KCNJ6: variants seen among roughly 807,000 people sequenced by gnomAD.
KCNJ6 encodes the protein potassium inwardly rectifying channel subfamily J member 6.
Under a neutral mutation model 34.2 loss-of-function variants are expected in KCNJ6, and 9 were observed. The observed-to-expected ratio is 0.26, with a 90% CI of 0.16 to 0.46. The LOEUF is 0.46. KCNJ6 is among the 20% of genes least tolerant of loss of function. The probability of loss-of-function intolerance (pLI) is 1.00; values close to 1 mark genes in which losing one functional copy is unlikely to be tolerated. For missense variants in KCNJ6, 236 were observed against 531.3 expected (o/e 0.44, Z 5.46); for synonymous variants, 196 against 207.1 (o/e 0.95, Z 0.46).
chr21:37,836,255 G>T (rs1466408392), intron 2 of KCNJ6, among the ~76,000 whole-genome samples: 1 of 152,200 alleles, frequency 6.6e-6, no homozygotes, highest in Non-Finnish European at 1.5e-5. Context: ...TGCTAGAGAG[G>T]ATGTGGAGAA....
At chr21:37,819,518 C>T (rs2055363830) in intron 2 of KCNJ6, among the ~76,000 whole-genome samples, 3 of 152,072 alleles carry the variant, frequency 2.0e-5, no homozygotes, top group Admixed American at 6.6e-5. Flanking sequence ...AAAAACTTCC[C>T]AGAACCTTAT....
chr21:37,632,056 G>A (rs1278134993), intron 3 of KCNJ6, among the ~76,000 whole-genome samples: 2 of 152,106 alleles, frequency 1.3e-5, no homozygotes, highest in Non-Finnish European at 2.9e-5. Context: ...TGCTGAGCAA[G>A]TCTTGGCTTT....
chr21:37,906,669 C>T (rs896208439), intron 1 of KCNJ6, among the ~76,000 whole-genome samples: 27 of 152,198 alleles, frequency 1.8e-4, no homozygotes, highest in Admixed American at 1.7e-3. Context: ...CTCCTTTTGT[C>T]CACAGAGACC....
chr21:37,793,854 T>G (rs1318286271), intron 2 of KCNJ6, among the ~76,000 whole-genome samples: 1 of 152,196 alleles, frequency 6.6e-6, no homozygotes, highest in African/African-American at 2.4e-5. Flanking sequence ...AAGTGAAAGT[T>G]TGCTTAAGTA....
chr21:37,795,976 A>G (rs1399576442), intron 2 of KCNJ6, among the ~76,000 whole-genome samples: 1 of 152,058 alleles, frequency 6.6e-6, no homozygotes, highest in Admixed American at 6.5e-5. Context: ...GATGTATTAT[A>G]ATAGAGTCTC....
intron 2 of KCNJ6, among the ~76,000 whole-genome samples, chr21:37,718,898 G>T (rs1328562644): frequency 6.6e-6 from 1 of 152,208 alleles, no homozygotes; most frequent in African/African-American, 2.4e-5. Flanking sequence ...AACCTCCCTG[G>T]TAGTGTGTTT....
chr21:37,709,000 G>C (rs1166833003), intron 3 of KCNJ6, among the ~76,000 whole-genome samples: 3 of 151,930 alleles, frequency 2.0e-5, no homozygotes, highest in African/African-American at 7.3e-5. Flanking sequence ...TTCTTCCAGG[G>C]GTATTTTTGT....
chr21:37,630,158 G>GTGTGTGTGTGTGTGTGTGTGTGT (rs1556010880), intron 3 of KCNJ6, among the ~76,000 whole-genome samples: 29 of 145,758 alleles, frequency 2.0e-4, no homozygotes, highest in South Asian at 4.4e-4. Context: ...GTGTGTGTGT[G>GTGTGTGTGTGTGTGTGTGTGTGT]GTGTTTATGT....
intron 1 of KCNJ6, among the ~76,000 whole-genome samples, chr21:37,858,553 G>C (rs900916637): frequency 1.3e-5 from 2 of 151,994 alleles, no homozygotes; most frequent in African/African-American, 4.8e-5. Context: ...TAATTTTACA[G>C]GCATCAAAGC....
chr21:37,739,980 C>T (rs2054932349), intron 2 of KCNJ6, among the ~76,000 whole-genome samples: 1 of 151,550 alleles, frequency 6.6e-6, no homozygotes, highest in Non-Finnish European at 1.5e-5. Flanking sequence ...AGCTTTGAAG[C>T]ACCTGTGGCA....
intron 2 of KCNJ6, among the ~76,000 whole-genome samples, chr21:37,733,875 G>A (rs2054899536): frequency 6.6e-6 from 1 of 152,174 alleles, no homozygotes; most frequent in Non-Finnish European, 1.5e-5. Context: ...CAGACATGTA[G>A]GTGTAGTTCT....
chr21:37,810,924 C>T (rs2055319600), intron 2 of KCNJ6, among the ~76,000 whole-genome samples: 2 of 151,850 alleles, frequency 1.3e-5, no homozygotes, highest in African/African-American at 2.4e-5. Context: ...TGTAATTTCC[C>T]GTAATTTTAT....
At chr21:37,727,710 G>A (rs1014027856) in intron 2 of KCNJ6, among the ~76,000 whole-genome samples, 15 of 152,222 alleles carry the variant, frequency 9.9e-5, no homozygotes, top group Middle Eastern at 3.4e-3. Flanking sequence ...AAAAAGTGAT[G>A]AACTTCATCC....
At chr21:37,679,349 C>T (rs1410253726) in intron 3 of KCNJ6, among the ~76,000 whole-genome samples, 1 of 152,208 alleles carries the variant, frequency 6.6e-6, no homozygotes, top group Non-Finnish European at 1.5e-5. Context: ...ATAACTAATA[C>T]AAAAGCTATG....
chr21:37,873,693 G>C lies in KCNJ6; in HGVS notation c.-27-32984C>G, dbSNP rs531809325. Reference sequence around the variant, plus strand: ...AATTATTGACTTTCTCACTCTCCCTGTTCTCTCTTCTTAAACCTCCAGCAT... The same window carrying C: ...AATTATTGACTTTCTCACTCTCCCTCTTCTCTCTTCTTAAACCTCCAGCAT... On this transcript the variant is annotated intron_variant, in intron 1 of 3. Coordinates refer to ENST00000609713, the MANE Select transcript of KCNJ6 (RefSeq NM_002240.5). Among the ~76,000 whole-genome samples, 58 of 152,076 alleles carry C rather than the reference G, an allele frequency of 3.8e-4. 1 individual carries two copies. The highest frequency in any genetic ancestry group is 4.6e-4 in the Non-Finnish European group (31 of 68,024).
chr21:37,676,328 G>A (rs74682195), intron 3 of KCNJ6, among the ~76,000 whole-genome samples: 2,680 of 152,348 alleles, frequency 0.018, 58 homozygotes, highest in East Asian at 0.057. Context: ...AGGACAGGCC[G>A]GGCAGGCCAG....
intron 1 of KCNJ6, among the ~76,000 whole-genome samples, chr21:37,863,860 G>GTTTTTTTTTTTTTTTT (rs56800970): frequency 2.5e-5 from 2 of 81,076 alleles, no homozygotes; most frequent in African/African-American, 4.7e-5. Flanking sequence ...TTTTTTTTTT[G>GTTTTTTTTTTTTTTTT]TTTTTTTTTT....
intron 1 of KCNJ6, among the ~76,000 whole-genome samples, chr21:37,864,552 C>T (rs893330434): frequency 3.3e-5 from 5 of 152,166 alleles, no homozygotes; most frequent in Non-Finnish European, 7.4e-5. Flanking sequence ...ACAAGTTACC[C>T]AGACTTGTAA....
In KCNJ6 at chr21:37,693,025, C is replaced by T. The variant is rs907054227; in HGVS notation, c.946+21186G>A. ...AAGTGTCACTAGTGACTGCCGCACC[C>T]TGTGTATGTTCCATCATGTTTTCAA... is the stretch of plus-strand genomic sequence containing the variant. On this transcript the variant is annotated intron_variant, in intron 3 of 3. Transcript: ENST00000609713. Among the ~76,000 whole-genome samples the T allele has an allele frequency of 2.6e-5, 4 of 152,248 alleles. No homozygotes were observed. In the South Asian group the frequency reaches 8.3e-4, roughly 32 times the overall value.
Sources: gnomAD v4.1 joint callset for allele counts (sites outside exome capture counted in the v4.1 genomes callset) on GRCh38, gnomAD v4.1.1 for gene constraint, MANE v1.5 for transcripts, NCBI Gene and HGNC (gene_info 2026-07-23, HGNC 2026-07-21) for gene names.